Variants in TONSL observed in about 807,000 individuals in gnomAD.
TONSL encodes tonsoku like, DNA repair protein, also known as tonsoku-like protein.
Under a neutral mutation model 147.1 loss-of-function variants are expected in TONSL, and 112 were observed. That is an observed-to-expected ratio of 0.76 (90% CI 0.65 to 0.89). The LOEUF (loss-of-function observed/expected upper bound fraction) is 0.89. Among genes scored for constraint, TONSL ranks in the 40% least tolerant of loss-of-function variants. TONSL has a pLI of 0.00. For missense variants in TONSL, 1,883 were observed against 1,864.6 expected (o/e 1.01, Z -0.18); for synonymous variants, 868 against 801.5 (o/e 1.08, Z -1.40).
In TONSL at chr8:144,435,070, C is replaced by G. The variant is rs769596983; in HGVS notation, c.2953G>C (p.Ala985Pro). The change falls in exon 19 of 26, where the codon GCC (alanine) becomes CCC (proline). Residue 985 changes from alanine (A) to proline (P), a missense_variant. Transcript: ENST00000409379. Reference sequence around the variant, plus strand: ...ATGAGGTCCTGTGGGGCCAGCAGGGCCCCCTCTTTCCGTAGGGTGAGCCTG... The same window carrying G: ...ATGAGGTCCTGTGGGGCCAGCAGGGGCCCCTCTTTCCGTAGGGTGAGCCTG... ...LPRLTLRKEG[A>P]LLAPQDLIPD... 3 of 1,610,654 alleles carry G rather than the reference C, an allele frequency of 1.9e-6. No homozygotes were observed. The Admixed American group carries it at 5.0e-5, about 27-fold the overall frequency.
intron 23 of TONSL, among the ~76,000 whole-genome samples, chr8:144,431,512 TTC>T (rs1554878659): frequency 6.6e-6 from 1 of 151,682 alleles, no homozygotes; most frequent in Non-Finnish European, 1.5e-5. Context: ...AGCTGTTTTT[TTC>T]TTTTTTTGTT....
At chr8:144,432,112 C>A (rs1434356336) in intron 23 of TONSL, among the ~76,000 whole-genome samples, 173 bp downstream of exon 23, 1 of 152,098 alleles carries the variant, frequency 6.6e-6, no homozygotes, top group African/African-American at 2.4e-5. Flanking sequence ...AGGCGTGAGC[C>A]ACCGCGCCTG....
At chr8:144,434,753 G>C in intron 20 of TONSL, 58 bp downstream of exon 20, 1 of 1,565,380 alleles carries the variant, frequency 6.4e-7, no homozygotes, top group Non-Finnish European at 8.7e-7. Flanking sequence ...GGTGGAGCCT[G>C]TGTGCCCAAC....
In TONSL at chr8:144,436,862, G is replaced by T; in HGVS notation, c.1785C>A (p.Gly595=). The change falls in exon 15 of 26, where the codon GGC becomes GGA. Residue 595 remains glycine (G), a synonymous_variant. Coordinates refer to ENST00000409379, the MANE Select transcript of TONSL (RefSeq NM_013432.5). ...CGTGGAGGGGGGTGATGCCTTCGCA[G>T]CCCTGGCCACCTGGGTCGTCCACTG... ...GAAVDDPGGQ[G]CEGITPLHDA... is the part of the protein sequence containing the mutation. The T allele has an allele frequency of 1.2e-6, 2 of 1,610,146 alleles. No homozygotes were observed. Among genetic ancestry groups the T allele is most frequent in the Non-Finnish European group, 1.7e-6 (2 of 1,179,856 alleles).
At position 144,440,049 on chromosome 8, in the gene TONSL, C is replaced by G. The variant is rs534701044; in HGVS notation, c.1452G>C (p.Glu484Asp). The G allele has an allele frequency of 8.0e-6, 12 of 1,500,936 alleles. No individual in the cohort carries two copies. The South Asian group carries it at 1.4e-4, about 17-fold the overall frequency. 93.0% of individuals were successfully genotyped at this position (1,500,936 alleles called of 1,614,324 possible). Reference protein sequence around the residue: ...AAATAESEALEAGEVELSEGE... With the variant: ...AAATAESEALDAGEVELSEGE... Reference sequence around the variant, plus strand: ...CCTCTGAGAGCTCCACCTCGCCGGCCTCCAGGGCTTCGCTCTCCGCTGTGG... The same window carrying G: ...CCTCTGAGAGCTCCACCTCGCCGGCGTCCAGGGCTTCGCTCTCCGCTGTGG... Residue 484 changes from glutamate (E) to aspartate (D), a missense_variant, in exon 11 of 26, where the codon GAG becomes GAC. Physicochemically the swap from Glu to Asp is conservative, Grantham distance 45. Coordinates refer to ENST00000409379, the MANE Select transcript of TONSL (RefSeq NM_013432.5).
chr8:144,439,949 C>T, intron 11 of TONSL, 72 bp downstream of exon 11: 3 of 739,590 alleles, frequency 4.1e-6, no homozygotes, highest in Admixed American at 2.2e-5. Flanking sequence ...GGCTCCACAG[C>T]AGCACAGCAC....
chr8:144,442,268 C>T lies in TONSL; in HGVS notation c.723G>A (p.Glu241=). 2 of 1,593,318 alleles carry T rather than the reference C, an allele frequency of 1.3e-6. No individual in the cohort carries two copies. The highest frequency in any genetic ancestry group is 1.7e-6 in the Non-Finnish European group (2 of 1,165,876). The stretch of plus-strand genomic sequence containing the variant: ...GTGCAATAACCACGCAGCACTCGCT[C>T]TCCATGAACCGCTTCCTCATGGTGT... ...CAHTMRKRFM[E]SECCVVIAQV... Residue 241 remains glutamate (E), a synonymous_variant, in exon 6 of 26, where the codon GAG becomes GAA. Coordinates refer to ENST00000409379, the MANE Select transcript of TONSL (RefSeq NM_013432.5).
intron 25 of TONSL, among the ~76,000 whole-genome samples, chr8:144,429,573 GATCTC>G (rs1554878197): frequency 6.6e-6 from 1 of 152,160 alleles, no homozygotes; most frequent in African/African-American, 2.4e-5. Context: ...GACAGTGCCC[GATCTC>G]AAAGTCCATG....
chr8:144,431,049 G>C (rs1554878542), intron 24 of TONSL, 29 bp downstream of exon 24: 3 of 1,613,382 alleles, frequency 1.9e-6, no homozygotes, highest in Admixed American at 1.7e-5. Flanking sequence ...AGACCCCCAG[G>C]TCAGCAGGCA....
chr8:144,430,580 A>T, intron 24 of TONSL, 43 bp from the exon 25 acceptor site: 2 of 1,571,864 alleles, frequency 1.3e-6, no homozygotes, highest in Non-Finnish European at 1.7e-6. Flanking sequence ...GCTTCCAGAG[A>T]GGCTGTGCCC....
In TONSL at chr8:144,440,466, G is replaced by A. The variant is rs1219663925; in HGVS notation, c.1175C>T (p.Thr392Ile). 6.3e-7 allele frequency: 1 copy of A among 1,598,508 alleles called. No homozygotes were observed. Among genetic ancestry groups the A allele is most frequent in the Non-Finnish European group, 8.5e-7 (1 of 1,170,330 alleles). ...RSGNVLEEAK[T>I]WLNIALSREE... The stretch of plus-strand genomic sequence containing the variant: ...GCGGGACAGTGCAATGTTCAGCCAG[G>A]TCTTGGCCTCCTGGAGCAGGAGGAA... The change falls in exon 10 of 26, where the codon ACC becomes ATC. Residue 392 changes from threonine (T) to isoleucine (I), a missense_variant. Physicochemically the swap from Thr to Ile is moderately conservative, Grantham distance 89. Transcript: ENST00000409379.
chr8:144,434,555 C>T (rs1586685286), intron 20 of TONSL, among the ~76,000 whole-genome samples: 1 of 152,308 alleles, frequency 6.6e-6, no homozygotes, highest in Middle Eastern at 3.4e-3. Context: ...CAGCCCATGC[C>T]AGGCCCTCCT....
Position 144,443,219 on chromosome 8 carries a change from G to A in TONSL, c.367C>T (p.His123Tyr), listed in dbSNP as rs951928597. 1.3e-6 allele frequency: 2 copies of A among 1,550,870 alleles called. No individual in the cohort carries two copies. The highest frequency in any genetic ancestry group is 1.7e-6 in the Non-Finnish European group (2 of 1,146,994). Residue 123 changes from histidine (H) to tyrosine (Y), a missense_variant, in exon 4 of 26, where the codon CAC becomes TAC. Transcript: ENST00000409379. ...AGCAAAGCATCCCTCGACTGGCAGT[G>A]GTCATAGATGTCCAGGTGGGTGCGG... ...IGRTHLDIYD[H>Y]CQSRDALLQA...
Position 144,429,308 on chromosome 8 carries a change from C to G in TONSL, c.3972G>C (p.Leu1324=), listed in dbSNP as rs1823068383. The G allele has an allele frequency of 1.3e-6, 2 of 1,492,040 alleles. No homozygotes were observed. Among genetic ancestry groups the G allele is most frequent in the Non-Finnish European group, 1.8e-6 (2 of 1,116,480 alleles). The allele number at this position is 1,492,040 out of a possible 1,614,324, so 92.4% of individuals were successfully genotyped here. The change falls in exon 26 of 26, where the codon CTG becomes CTC. Residue 1324 remains leucine (L), a synonymous_variant. Transcript: ENST00000409379. ...GCGCGGCTATCTTGTCCCACAGGCCCAGGCCCAGGGGACCCTGGACGGCGC... is the reference window on the plus strand; with the variant it reads ...GCGCGGCTATCTTGTCCCACAGGCCGAGGCCCAGGGGACCCTGGACGGCGC... ...SGCAVQGPLG[L]GLWDKIAAQL...
intron 3 of TONSL, among the ~76,000 whole-genome samples, chr8:144,443,554 G>A (rs1256823158): frequency 1.3e-5 from 2 of 149,084 alleles, no homozygotes; most frequent in African/African-American, 2.6e-5. Context: ...GGGCAGCTGG[G>A]AGTTGGCGGG....
Position 144,442,244 on chromosome 8 carries a change from T to G in TONSL, c.747A>C (p.Ala249=). ...FMESECCVVI[A]QVLQDLGDFL... ...CGGAGCCACGCACAGCGGGTACCTG[T>G]GCAATAACCACGCAGCACTCGCTCT... Residue 249 remains alanine (A), a synonymous_variant, in exon 6 of 26, where the codon GCA becomes GCC. Coordinates refer to ENST00000409379, the MANE Select transcript of TONSL (RefSeq NM_013432.5). The G allele has an allele frequency of 1.9e-6, 3 of 1,588,616 alleles. No individual in the cohort carries two copies. The highest frequency in any genetic ancestry group is 2.6e-6 in the Non-Finnish European group (3 of 1,163,934).
At chr8:144,430,119 G>A (rs1335406591) in intron 25 of TONSL, among the ~76,000 whole-genome samples, 1 of 152,198 alleles carries the variant, frequency 6.6e-6, no homozygotes, top group Non-Finnish European at 1.5e-5. Flanking sequence ...CAAGAAGAAA[G>A]TCCCTGTGGA....
rs760265275 is a variant in TONSL, at chr8:144,438,494, G to C, written c.1630C>G (p.Arg544Gly). ...ACCTGCCTCACAAGGTCCTGGACGC[G>C]GCGCAGCTGGCCCTCGATGCAGGCT... ...HRACIEGQLRRVQDLVRQGHP... is the reference protein window; with the variant it reads ...HRACIEGQLRGVQDLVRQGHP... The change falls in exon 13 of 26, where the codon CGC (arginine) becomes GGC (glycine). Residue 544 changes from arginine (R) to glycine (G), a missense_variant. Physicochemically the swap from Arg to Gly is moderately radical, Grantham distance 125. Transcript: ENST00000409379. The C allele has an allele frequency of 6.2e-7, 1 of 1,613,006 alleles. No individual in the cohort carries two copies. The highest frequency in any genetic ancestry group is 8.5e-7 in the Non-Finnish European group (1 of 1,179,958).
chr8:144,429,571 C>T (rs1823088481), intron 25 of TONSL, among the ~76,000 whole-genome samples: 1 of 152,148 alleles, frequency 6.6e-6, no homozygotes, highest in East Asian at 1.9e-4. Flanking sequence ...CTGACAGTGC[C>T]CGATCTCAAA....
Sources: allele counts gnomAD v4.1 joint callset (sites outside exome capture counted in the v4.1 genomes callset), GRCh38; gene constraint gnomAD v4.1.1; transcripts MANE v1.5; gene names NCBI Gene and HGNC (gene_info 2026-07-23, HGNC 2026-07-21).